Variants in SMAP2 observed in about 807,000 individuals in gnomAD.
The protein encoded by SMAP2 is stromal membrane-associated protein 2.
A neutral mutation model predicts 56.4 loss-of-function variants in SMAP2; 25 were observed. That is an observed-to-expected ratio of 0.44 (90% CI 0.32 to 0.62). SMAP2 has a LOEUF of 0.62. Among genes scored for constraint, SMAP2 ranks in the 20% least tolerant of loss-of-function variants. The pLI, the probability that SMAP2 is intolerant of heterozygous loss-of-function variation, is 0.04. For missense variants in SMAP2, 388 were observed against 545.6 expected (o/e 0.71, Z 2.88); for synonymous variants, 157 against 181.7 (o/e 0.86, Z 1.09).
intron 1 of SMAP2, among the ~76,000 whole-genome samples, chr1:40,392,089 C>T (rs1644722740): frequency 6.6e-6 from 1 of 151,962 alleles, no homozygotes; most frequent in Non-Finnish European, 1.5e-5. Flanking sequence ...TATTGTTAGC[C>T]ATTGAAGTGG....
chr1:40,417,459 C>T (rs1440977455), intron 9 of SMAP2, among the ~76,000 whole-genome samples: 1 of 152,054 alleles, frequency 6.6e-6, no homozygotes, highest in African/African-American at 2.4e-5. Flanking sequence ...TGGCAATGGG[C>T]ATATAAACAC....
intron 9 of SMAP2, among the ~76,000 whole-genome samples, chr1:40,421,509 T>C (rs929563611): frequency 2.0e-5 from 3 of 152,132 alleles, no homozygotes; most frequent in Admixed American, 6.5e-5. Flanking sequence ...AGTTCCTTTT[T>C]TTCCCCCTTG....
chr1:40,395,368 A>G (rs1228406020), intron 1 of SMAP2, among the ~76,000 whole-genome samples: 1 of 152,180 alleles, frequency 6.6e-6, no homozygotes, highest in African/African-American at 2.4e-5. Context: ...GAAGAGTCAC[A>G]GTAAGTCCCT....
At chr1:40,393,277 A>T (rs1644734841) in intron 1 of SMAP2, 1 of 1,478,822 alleles carries the variant, frequency 6.8e-7, no homozygotes. Flanking sequence ...ACTGCACTCT[A>T]GCTTGGGCAA....
At chr1:40,404,817 G>A (rs1486305235) in intron 1 of SMAP2, among the ~76,000 whole-genome samples, 1 of 152,136 alleles carries the variant, frequency 6.6e-6, no homozygotes, top group African/African-American at 2.4e-5. Context: ...ATTTACATCA[G>A]TTTAGGGTTT....
chr1:40,392,650 A>G (rs1220426695), intron 1 of SMAP2, among the ~76,000 whole-genome samples: 3 of 152,202 alleles, frequency 2.0e-5, no homozygotes, highest in Non-Finnish European at 4.4e-5. Context: ...GAGCTGAAAT[A>G]TCATAGGCTA....
At position 40,345,174 on chromosome 1, in the gene SMAP2, C is replaced by T. The variant is rs570970221; in HGVS notation, c.-83+264C>T. On this transcript the variant is annotated intron_variant, in intron 1 of 6. Coordinates refer to the SMAP2 transcript ENST00000435168. The stretch of plus-strand genomic sequence containing the variant: ...ATCCCAGTGCTTTGGGAGGCCAAGG[C>T]GGGAGGATCACTTGAGACCAGGAGT... 2.9e-4 allele frequency among the ~76,000 whole-genome samples: 44 copies of T among 152,026 alleles called. 1 individual carries two copies. The highest frequency in any genetic ancestry group is 1.0e-3 in the African/African-American group (43 of 41,486).
chr1:40,411,256 G>A (rs1644933107), intron 4 of SMAP2, among the ~76,000 whole-genome samples: 1 of 152,206 alleles, frequency 6.6e-6, no homozygotes, highest in African/African-American at 2.4e-5. Flanking sequence ...AGAACCCAGT[G>A]TGCAGCTACA....
At chr1:40,378,730 T>A (rs3013458) in intron 1 of SMAP2, among the ~76,000 whole-genome samples, 2 of 152,170 alleles carry the variant, frequency 1.3e-5, no homozygotes, top group African/African-American at 4.8e-5. Context: ...TGCTTTTCCC[T>A]TCTTCTGCTA....
chr1:40,416,322 G>A lies in SMAP2; in HGVS notation c.828G>A (p.Thr276=), dbSNP rs1457331876. ...DSILSLYGSQ[T]PQMPTQAMFM... is the part of the protein sequence containing the mutation. ...TTCTTTCACTGTATGGATCCCAGACGCCTCAAATGCCTACTCAAGGTAGAT... is the reference window on the plus strand; with the variant it reads ...TTCTTTCACTGTATGGATCCCAGACACCTCAAATGCCTACTCAAGGTAGAT... Residue 276 remains threonine (T), a synonymous_variant, in exon 8 of 10, where the codon ACG becomes ACA. Transcript: ENST00000372718. 3.6e-5 allele frequency: 58 copies of A among 1,613,478 alleles called. No individual in the cohort carries two copies. Among genetic ancestry groups the A allele is most frequent in the East Asian group, 4.5e-5 (2 of 44,874 alleles).
chr1:40,409,710 G>C, intron 3 of SMAP2, 47 bp from the exon 4 acceptor site: 1 of 1,251,364 alleles, frequency 8.0e-7, no homozygotes, highest in Non-Finnish European at 1.2e-6. Flanking sequence ...TTATCTTCTT[G>C]CTGTTTGAGA....
At chr1:40,390,728 A>T (rs1644707127) in intron 1 of SMAP2, among the ~76,000 whole-genome samples, 1 of 152,176 alleles carries the variant, frequency 6.6e-6, no homozygotes. Flanking sequence ...TGTAAAGGTG[A>T]TTCTAATTTC....
At chr1:40,404,555 CA>C (rs1389807454) in intron 1 of SMAP2, among the ~76,000 whole-genome samples, 2 of 152,188 alleles carry the variant, frequency 1.3e-5, no homozygotes, top group Non-Finnish European at 2.9e-5. Flanking sequence ...AGGAAGCAAA[CA>C]GTGTAACATT....
chr1:40,387,195 C>G, intron 1 of SMAP2, among the ~76,000 whole-genome samples: 1 of 152,002 alleles, frequency 6.6e-6, no homozygotes, highest in East Asian at 1.9e-4. Context: ...TGAGCTTATA[C>G]CATAATGATT....
In SMAP2 at chr1:40,422,007, A is replaced by G. The variant is rs1006743390; in HGVS notation, c.1196A>G (p.Tyr399Cys). Residue 399 changes from tyrosine to cysteine, a missense_variant, in exon 10 of 10, where the codon TAT becomes TGT. Physicochemically the swap from Tyr to Cys is radical, Grantham distance 194. Coordinates refer to ENST00000372718, the MANE Select transcript of SMAP2 (RefSeq NM_022733.3). ...CAGCAGATGGCTGGGATGAACTTCT[A>G]TGGAGCCAATGGCATGATGAACTAT... The part of the protein sequence containing the change: ...MTQQMAGMNF[Y>C]GANGMMNYGQ... The G allele has an allele frequency of 1.6e-5, 26 of 1,614,032 alleles. No homozygotes were observed. The highest frequency in any genetic ancestry group is 2.2e-5 in the East Asian group (1 of 44,886).
At chr1:40,359,607 C>T (rs1644451048) in intron 1 of SMAP2, among the ~76,000 whole-genome samples, 1 of 152,014 alleles carries the variant, frequency 6.6e-6, no homozygotes. Context: ...TTCCTTTCTA[C>T]TTGTCTTCCT....
At chr1:40,407,999 C>T (rs1241997084) in intron 2 of SMAP2, among the ~76,000 whole-genome samples, 1 of 152,038 alleles carries the variant, frequency 6.6e-6, no homozygotes, top group East Asian at 1.9e-4. Context: ...GGAAGCCCCC[C>T]GCCCCCCAAA....
rs1644985499 is a variant in SMAP2, at chr1:40,416,218, C to T, written c.724C>T (p.Pro242Ser). The T allele has an allele frequency of 6.2e-7, 1 of 1,613,974 alleles. No homozygotes were observed. The highest frequency in any genetic ancestry group is 8.5e-7 in the Non-Finnish European group (1 of 1,179,980). The change falls in exon 8 of 10, where the codon CCT (proline) becomes TCT (serine). Residue 242 changes from proline to serine, a missense_variant. By Grantham distance (74) the Pro-to-Ser change is moderately conservative. Coordinates refer to ENST00000372718, the MANE Select transcript of SMAP2 (RefSeq NM_022733.3). ...AACTGCAGGGAGTGCCGGCTCTGTT[C>T]CTGAAAATCTGAACCTGTTTCCGGA... is the stretch of plus-strand genomic sequence containing the variant. ...MPTAGSAGSVPENLNLFPEPG... is the reference protein window; with the variant it reads ...MPTAGSAGSVSENLNLFPEPG...
At position 40,408,913 on chromosome 1, in the gene SMAP2, G is replaced by A. The variant is rs1490402015; in HGVS notation, c.323+175G>A. ...ACAAAAAGCACATGTATTTGTGAAT[G>A]TCGGAATTGTCATACGGTGTCACTT... On this transcript the variant is annotated intron_variant, in intron 3 of 9. Coordinates refer to ENST00000372718, the MANE Select transcript of SMAP2 (RefSeq NM_022733.3). This position sits in a 1 kb window ranked among gnomAD's most constrained non-coding sequence, Gnocchi z 4.3. Among the ~76,000 whole-genome samples the A allele has an allele frequency of 1.3e-5, 2 of 152,230 alleles. No homozygotes were observed. The highest frequency in any genetic ancestry group is 4.8e-5 in the African/African-American group (2 of 41,456).
Sources: gnomAD v4.1 joint callset for allele counts (sites outside exome capture counted in the v4.1 genomes callset) on GRCh38, gnomAD v4.1.1 for gene constraint, Gnocchi (gnomAD v3.1) non-coding constraint, MANE v1.5 for transcripts, NCBI Gene and HGNC (gene_info 2026-07-23, HGNC 2026-07-21) for gene names.